Variants in TMEM63C observed in about 807,000 individuals in gnomAD.
TMEM63C encodes the protein transmembrane protein 63C, also known as osmosensitive cation channel TMEM63C.
Under a neutral mutation model 99.2 loss-of-function variants are expected in TMEM63C, and 32 were observed. The observed-to-expected ratio is 0.32, with a 90% confidence interval of 0.24 to 0.43. The LOEUF (loss-of-function observed/expected upper bound fraction) is 0.43, where lower values mean the gene tolerates loss of function less well. Among genes scored for constraint, TMEM63C ranks in the 20% least tolerant of loss-of-function variants. TMEM63C has a pLI of 1.00. For synonymous variants in TMEM63C, 376 were observed against 397.9 expected, an observed-to-expected ratio of 0.94 and a Z score of 0.66; for missense variants, 826 against 1,053.0, an observed-to-expected ratio of 0.78 and a Z score of 2.98.
At chr14:77,210,596 C>T (rs2140102922) in intron 1 of TMEM63C, among the ~76,000 whole-genome samples, 1 of 152,218 alleles carries the variant, frequency 6.6e-6, no homozygotes, top group East Asian at 1.9e-4. Context: ...TAGTAACCAG[C>T]CCCCTAGCCA....
At position 77,213,504 on chromosome 14, in the gene TMEM63C, C is replaced by T. The variant is rs575935091; in HGVS notation, c.-18C>T. ...ACGTGGACCTTCACTGGAGAAGTGACTCAGGTGGGAAAAGTCTCCCCGGGC... is the reference window on the plus strand; with the variant it reads ...ACGTGGACCTTCACTGGAGAAGTGATTCAGGTGGGAAAAGTCTCCCCGGGC... On this transcript the variant is annotated 5_prime_UTR_variant, in exon 2 of 24. Transcript: ENST00000298351. The T allele has an allele frequency of 3.9e-5, 6 of 152,310 alleles. No homozygotes were observed. Among genetic ancestry groups the T allele is most frequent in the African/African-American group, 1.4e-4 (6 of 41,562 alleles). 9.4% of individuals were successfully genotyped at this position (152,310 alleles called of 1,614,324 possible). A position where few individuals can be genotyped will look rare whatever the true frequency, so the allele number is the denominator to read the frequency against.
At chr14:77,188,167 C>A (rs761448852) in intron 1 of TMEM63C, among the ~76,000 whole-genome samples, 3 of 152,186 alleles carry the variant, frequency 2.0e-5, no homozygotes, top group African/African-American at 7.2e-5. Context: ...AATGCTACCT[C>A]CTTGATGAAG....
intron 1 of TMEM63C, among the ~76,000 whole-genome samples, chr14:77,203,927 T>A (rs1207265954): frequency 2.6e-5 from 4 of 152,250 alleles, no homozygotes; most frequent in African/African-American, 9.6e-5. Context: ...GGTCAGAGCC[T>A]CTGCTGCTAT....
chr14:77,219,763 G>A (rs532086573), intron 4 of TMEM63C, among the ~76,000 whole-genome samples, 186 bp downstream of exon 4: 7 of 152,332 alleles, frequency 4.6e-5, no homozygotes, highest in South Asian at 4.1e-4. Flanking sequence ...GCACAAGGCC[G>A]TGTTTTTCTC....
chr14:77,207,555 G>A (rs1290098903), intron 1 of TMEM63C, among the ~76,000 whole-genome samples: 1 of 152,212 alleles, frequency 6.6e-6, no homozygotes, highest in Non-Finnish European at 1.5e-5. Flanking sequence ...TGATGTAGTG[G>A]AGGCAGACAC....
intron 6 of TMEM63C, 43 bp downstream of exon 6, chr14:77,225,504 G>T (rs537810125): frequency 1.2e-6 from 2 of 1,607,902 alleles, no homozygotes; most frequent in Non-Finnish European, 1.7e-6. Context: ...TGTTGCCTTG[G>T]GGGTGGGGGG....
chr14:77,223,005 T>G (rs959279124), intron 5 of TMEM63C, among the ~76,000 whole-genome samples: 3 of 152,180 alleles, frequency 2.0e-5, no homozygotes, highest in African/African-American at 7.2e-5. Context: ...TCAGTTGCGC[T>G]AAGTAAGCGG....
intron 5 of TMEM63C, among the ~76,000 whole-genome samples, chr14:77,223,592 T>A (rs1268962292): frequency 1.3e-5 from 2 of 152,140 alleles, no homozygotes; most frequent in East Asian, 3.9e-4. Context: ...GCTTTCTGAA[T>A]GGTTTATGCC....
intron 5 of TMEM63C, among the ~76,000 whole-genome samples, chr14:77,223,699 C>T (rs1176960913): frequency 6.6e-6 from 1 of 152,078 alleles, no homozygotes; most frequent in Non-Finnish European, 1.5e-5. Flanking sequence ...GAGAGATCCA[C>T]ACAGGATATT....
chr14:77,238,706 C>G lies in TMEM63C; in HGVS notation c.664C>G (p.Leu222Val), dbSNP rs746844752. The change falls in exon 10 of 24, where the codon CTA becomes GTA. Residue 222 changes from leucine to valine, a missense_variant. Physicochemically the swap from Leu to Val is conservative, Grantham distance 32. Coordinates refer to ENST00000298351, the MANE Select transcript of TMEM63C (RefSeq NM_020431.4). Reference protein sequence around the residue: ...PRNSQKVTRTLMITYVPKDIE... With the variant: ...PRNSQKVTRTVMITYVPKDIE... ...TTTTCCCACCCAGGTCACAAGGACA[C>G]TAATGATCACCTATGTGCCCAAGGA... 6.2e-6 allele frequency: 10 copies of G among 1,613,576 alleles called. No homozygotes were observed. The highest frequency in any genetic ancestry group is 8.5e-6 in the Non-Finnish European group (10 of 1,179,582).
intron 22 of TMEM63C, 103 bp downstream of exon 22, chr14:77,252,001 A>G: frequency 2.1e-6 from 2 of 954,912 alleles, no homozygotes; most frequent in South Asian, 2.7e-5. Context: ...ACAGGATGAA[A>G]GGGTCTCGCC....
chr14:77,221,357 C>T (rs1159495215), intron 5 of TMEM63C, among the ~76,000 whole-genome samples: 1 of 79,288 alleles, frequency 1.3e-5, no homozygotes, highest in Non-Finnish European at 2.2e-5. Context: ...CCCACTCACG[C>T]CTCCCCTCCC....
At chr14:77,252,056 ATGCATGCGTGCATGCCTTGCG>A (rs1212884385) in intron 22 of TMEM63C, among the ~76,000 whole-genome samples, 158 bp downstream of exon 22, 2,533 of 141,324 alleles carry the variant, frequency 0.018, 58 homozygotes, top group African/African-American at 0.064. Flanking sequence ...GCATGCGTGC[ATGCATGCGTGCATGCCTTGCG>A]TGCATGCGTG....
chr14:77,205,961 C>T (rs1049854009), intron 1 of TMEM63C, among the ~76,000 whole-genome samples: 3 of 152,170 alleles, frequency 2.0e-5, no homozygotes, highest in African/African-American at 7.2e-5. Context: ...GGACAGTTGC[C>T]ACCTCTTCTC....
chr14:77,226,245 C>G (rs915446708), intron 6 of TMEM63C, among the ~76,000 whole-genome samples: 1 of 152,194 alleles, frequency 6.6e-6, no homozygotes, highest in Non-Finnish European at 1.5e-5. Context: ...CCCTCCACCC[C>G]ACCCCTACCC....
At chr14:77,198,783 G>A (rs1255801663) in intron 1 of TMEM63C, among the ~76,000 whole-genome samples, 1 of 152,214 alleles carries the variant, frequency 6.6e-6, no homozygotes, top group Non-Finnish European at 1.5e-5. Context: ...GCTCTGCTTG[G>A]TTTTCTCAGA....
Position 77,236,647 on chromosome 14 carries a change from G to C in TMEM63C, c.566G>C (p.Ser189Thr). The change falls in exon 9 of 24, where the codon AGC becomes ACC. Residue 189 changes from serine to threonine, a missense_variant. Coordinates refer to ENST00000298351, the MANE Select transcript of TMEM63C (RefSeq NM_020431.4). ...AGGAGCAAGCTCCTGTGGCTGCATA[G>C]CCTGCTGTCCTTCTTCTACTTCATC... is the stretch of plus-strand genomic sequence containing the variant. ...STESKLLWLH[S>T]LLSFFYFITN... The C allele has an allele frequency of 6.2e-7, 1 of 1,612,668 alleles. No homozygotes were observed. The highest frequency in any genetic ancestry group is 8.5e-7 in the Non-Finnish European group (1 of 1,179,304).
rs1476570052 is a variant in TMEM63C at position 77,237,680 on chromosome 14, A to G, written c.651+948A>G. On this transcript the variant is annotated intron_variant, in intron 9 of 23. Transcript: ENST00000298351. ...CTACTTGGCCCTGCACAAAAGCTGAACATGCCCCAAGGCCGGGAAAGAGCA... is the reference window on the plus strand; with the variant it reads ...CTACTTGGCCCTGCACAAAAGCTGAGCATGCCCCAAGGCCGGGAAAGAGCA... 1.2e-4 allele frequency among the ~76,000 whole-genome samples: 19 copies of G among 152,340 alleles called. 1 individual carries two copies. Among genetic ancestry groups the G allele is most frequent in the Admixed American group, 1.2e-3 (18 of 15,302 alleles).
At chr14:77,241,341 C>T (rs1263293670) in intron 13 of TMEM63C, among the ~76,000 whole-genome samples, 2 of 152,206 alleles carry the variant, frequency 1.3e-5, no homozygotes, top group Non-Finnish European at 2.9e-5. Context: ...TCCCCTAATT[C>T]ATAGCTCTAC....
Sources: allele counts gnomAD v4.1 joint callset (sites outside exome capture counted in the v4.1 genomes callset), GRCh38; gene constraint gnomAD v4.1.1; transcripts MANE v1.5; gene names NCBI Gene and HGNC (gene_info 2026-07-23, HGNC 2026-07-21).